Variants in PRKCE observed in about 807,000 individuals in gnomAD.
PRKCE encodes the protein protein kinase C epsilon.
PRKCE carries 16 observed loss-of-function variants against 85.4 expected under a neutral mutation model. That is an observed-to-expected ratio of 0.19 (90% confidence interval 0.13 to 0.28). The LOEUF is 0.28. PRKCE is among the 10% of genes least tolerant of loss of function. PRKCE has a pLI of 1.00. For missense variants in PRKCE, 573 were observed against 975.2 expected, an observed-to-expected ratio of 0.59 and a Z score of 5.49; for synonymous variants, 388 against 371.5, an observed-to-expected ratio of 1.04 and a Z score of -0.51.
intron 14 of PRKCE, among the ~76,000 whole-genome samples, chr2:46,174,964 T>A (rs1679284464): frequency 1.3e-5 from 2 of 152,108 alleles, no homozygotes; most frequent in African/African-American, 4.8e-5. Context: ...GTGCTGGGAT[T>A]ACAGGCATGA....
chr2:45,831,085 C>T (rs1368282711), intron 1 of PRKCE, among the ~76,000 whole-genome samples: 3 of 152,104 alleles, frequency 2.0e-5, no homozygotes, highest in African/African-American at 4.8e-5. Flanking sequence ...GATAGGTACA[C>T]CCTCCGAGAA....
At chr2:46,009,402 C>T (rs1705472146) in intron 9 of PRKCE, among the ~76,000 whole-genome samples, 1 of 152,112 alleles carries the variant, frequency 6.6e-6, no homozygotes, top group Non-Finnish European at 1.5e-5. Flanking sequence ...GAATAATTTA[C>T]ACGAAAAGAA....
intron 2 of PRKCE, among the ~76,000 whole-genome samples, chr2:45,967,306 C>G (rs1460583150): frequency 1.3e-5 from 2 of 152,220 alleles, no homozygotes; most frequent in African/African-American, 4.8e-5. Context: ...CAATCACCAT[C>G]TGAACCCATC....
chr2:46,175,346 A>C (rs1255808565), intron 14 of PRKCE, among the ~76,000 whole-genome samples: 1 of 152,230 alleles, frequency 6.6e-6, no homozygotes, highest in Non-Finnish European at 1.5e-5. Context: ...GAGACCAAAT[A>C]GAAAGTTCTC....
rs141564357 is a variant in PRKCE, at chr2:45,936,515, C to T, written c.413-39914C>T. On this transcript the variant is annotated intron_variant, in intron 2 of 14. Transcript: ENST00000306156. ...GTCCTCCTCCTCCAGGTTTCTTTAC[C>T]GAGAGGAAGCCAGCGGGAGGCCCGA... Among the ~76,000 whole-genome samples, 776 of 152,202 alleles carry T rather than the reference C, an allele frequency of 5.1e-3. 16 individuals are homozygous for T. The highest frequency in any genetic ancestry group is 0.014 in the East Asian group (71 of 5,148).
At chr2:45,860,440 CT>C (rs1408950872) in intron 2 of PRKCE, among the ~76,000 whole-genome samples, 1 of 152,164 alleles carries the variant, frequency 6.6e-6, no homozygotes, top group Non-Finnish European at 1.5e-5. Flanking sequence ...CTGGGGCCCC[CT>C]GATGGGCTGG....
chr2:46,077,048 T>G (rs928629497), intron 10 of PRKCE, among the ~76,000 whole-genome samples: 11 of 152,128 alleles, frequency 7.2e-5, no homozygotes, highest in Admixed American at 2.0e-4. Context: ...TTATGAAGGA[T>G]GATGATAAGT....
intron 2 of PRKCE, among the ~76,000 whole-genome samples, chr2:45,904,933 G>A (rs1022315450): frequency 9.2e-5 from 14 of 152,192 alleles, no homozygotes; most frequent in Non-Finnish European, 1.5e-5. Flanking sequence ...GGAGCTGGGG[G>A]TCCACGTGTG....
Position 45,683,185 on chromosome 2 carries a change from G to A in PRKCE, c.348+30737G>A, listed in dbSNP as rs574937980. 1.9e-4 allele frequency among the ~76,000 whole-genome samples: 29 copies of A among 152,252 alleles called. 1 individual carries two copies. In the South Asian group the frequency reaches 5.2e-3, roughly 27 times the overall value. ...AAAGTAAGTTGATATTCCTATCACCGCAGAATCTCTTTGTCTCTGGATTTC... is the reference window on the plus strand; with the variant it reads ...AAAGTAAGTTGATATTCCTATCACCACAGAATCTCTTTGTCTCTGGATTTC... On this transcript the variant is annotated intron_variant, in intron 1 of 14. Transcript: ENST00000306156.
At chr2:45,682,783 C>T (rs1268064865) in intron 1 of PRKCE, among the ~76,000 whole-genome samples, 1 of 152,084 alleles carries the variant, frequency 6.6e-6, no homozygotes, top group Admixed American at 6.6e-5. Flanking sequence ...AACGGGGTTT[C>T]ATCATGTTTC....
At chr2:45,761,145 G>A (rs1259162344) in intron 1 of PRKCE, among the ~76,000 whole-genome samples, 1 of 151,978 alleles carries the variant, frequency 6.6e-6, no homozygotes, top group Non-Finnish European at 1.5e-5. Flanking sequence ...GGCTAACACG[G>A]TGAAACCTCG....
intron 10 of PRKCE, among the ~76,000 whole-genome samples, chr2:46,047,244 T>C (rs1327752195): frequency 6.6e-6 from 1 of 152,132 alleles, no homozygotes; most frequent in East Asian, 1.9e-4. Context: ...GATACCTCCT[T>C]GCTAAACTCA....
chr2:46,056,970 C>A (rs1172498378), intron 10 of PRKCE, among the ~76,000 whole-genome samples: 1 of 152,134 alleles, frequency 6.6e-6, no homozygotes, highest in Non-Finnish European at 1.5e-5. Context: ...GGCTCAGGGC[C>A]TCTTGTGTGG....
At chr2:46,180,137 G>T (rs1210393048) in intron 14 of PRKCE, among the ~76,000 whole-genome samples, 1 of 152,198 alleles carries the variant, frequency 6.6e-6, no homozygotes, top group Non-Finnish European at 1.5e-5. Context: ...GAGAGATGGT[G>T]AGGGCACCCA....
intron 1 of PRKCE, among the ~76,000 whole-genome samples, chr2:45,832,191 T>A (rs1690482770): frequency 6.6e-6 from 1 of 152,234 alleles, no homozygotes; most frequent in East Asian, 1.9e-4. Flanking sequence ...TGCGTCACAT[T>A]TGTATGTCAT....
intron 1 of PRKCE, among the ~76,000 whole-genome samples, chr2:45,757,218 G>A (rs1168839923): frequency 6.8e-6 from 1 of 146,890 alleles, no homozygotes; most frequent in Non-Finnish European, 1.5e-5. Flanking sequence ...TGAGGCAGGA[G>A]AATCACTTGA....
chr2:46,053,328 A>G (rs1438716602), intron 10 of PRKCE, among the ~76,000 whole-genome samples: 2 of 152,164 alleles, frequency 1.3e-5, no homozygotes, highest in Non-Finnish European at 2.9e-5. Context: ...CTCCCCCCCG[A>G]TTATTTATTG....
chr2:46,181,372 G>C (rs1054137337), intron 14 of PRKCE, among the ~76,000 whole-genome samples: 6 of 152,182 alleles, frequency 3.9e-5, no homozygotes, highest in African/African-American at 1.4e-4. Flanking sequence ...TCCAAGTAAA[G>C]TAGGGTAGGG....
At chr2:46,121,220 T>C (rs1375665534) in intron 11 of PRKCE, among the ~76,000 whole-genome samples, 4 of 152,236 alleles carry the variant, frequency 2.6e-5, no homozygotes, top group Admixed American at 2.6e-4. Flanking sequence ...TTTATGCCAA[T>C]AATGCTTTGG....
Sources: gnomAD v4.1 joint callset for allele counts (sites outside exome capture counted in the v4.1 genomes callset) on GRCh38, gnomAD v4.1.1 for gene constraint, MANE v1.5 for transcripts, NCBI Gene and HGNC (gene_info 2026-07-23, HGNC 2026-07-21) for gene names.